SLC17A9: variants seen among roughly 807,000 people sequenced by gnomAD.
The protein encoded by SLC17A9 is voltage-gated purine nucleotide uniporter SLC17A9.
SLC17A9 carries 49 observed loss-of-function variants against 55.0 expected under a neutral mutation model. That is an observed-to-expected ratio of 0.89 (90% CI 0.71 to 1.13). The LOEUF is 1.13. Ranked by LOEUF, SLC17A9 falls within the 50% of genes most tolerant of loss-of-function variation. The pLI, the probability that SLC17A9 is intolerant of heterozygous loss-of-function variation, is 0.00. For synonymous variants in SLC17A9, 256 were observed against 247.4 expected (o/e 1.03, Z -0.32); for missense variants, 526 against 569.3 (o/e 0.92, Z 0.77).
chr20:62,960,603 G>C lies in SLC17A9; in HGVS notation c.497G>C (p.Gly166Ala). The C allele has an allele frequency of 1.2e-6, 2 of 1,610,444 alleles. No individual in the cohort carries two copies. The highest frequency in any genetic ancestry group is 1.1e-5 in the South Asian group (1 of 90,286). The change falls in exon 4 of 13, where the codon GGG becomes GCG. Residue 166 changes from glycine to alanine, a missense_variant and splice_region_variant. Physicochemically the swap from Gly to Ala is moderately conservative, Grantham distance 60. Coordinates refer to ENST00000370351, the MANE Select transcript of SLC17A9 (RefSeq NM_022082.4). ...ATCGTGGGCGCCGGCTCCCAGTTTG[G>C]GTAAGTCCTGGCCTAAGACGGGGCC... ...YSIVGAGSQF[G>A]TLLTGAVGSL...
intron 7 of SLC17A9, chr20:62,963,976 A>G: frequency 1.7e-6 from 1 of 598,740 alleles, no homozygotes; most frequent in Non-Finnish European, 3.0e-6. Flanking sequence ...TCAGAGCCTG[A>G]GGAGGCCGGT....
rs1360899756 is a variant in SLC17A9 at position 62,962,584 on chromosome 20, G to A, written c.498-40G>A. 3 of 1,608,276 alleles carry A rather than the reference G, an allele frequency of 1.9e-6. No individual in the cohort carries two copies. Among genetic ancestry groups the A allele is most frequent in the Non-Finnish European group, 2.5e-6 (3 of 1,176,910 alleles). The stretch of plus-strand genomic sequence containing the variant: ...AGAGGCCCCTCCTCACCCGAGGGGT[G>A]CCGCTGAGGGGCCTGGCCACACTCC... On this transcript the variant is annotated intron_variant, in intron 4 of 12. Transcript: ENST00000370351. This position sits in a 1 kb window ranked among gnomAD's most constrained non-coding sequence, Gnocchi z 5.5.
rs372800173 is a variant in SLC17A9 at position 62,967,437 on chromosome 20, C to T, written c.1248C>T (p.Cys416=). The T allele has an allele frequency of 6.2e-6, 10 of 1,614,098 alleles. No homozygotes were observed. In the African/African-American group the frequency reaches 6.7e-5, roughly 11 times the overall value. The change falls in exon 13 of 13, where the codon TGC becomes TGT. Residue 416 remains cysteine, a synonymous_variant. Coordinates refer to ENST00000370351, the MANE Select transcript of SLC17A9 (RefSeq NM_022082.4). Reference sequence around the variant, plus strand: ...CCATCATCAGCAACCTGGGGCTGTGCACCTTCCTGGTGTTTGGACAGGCTC... The same window carrying T: ...CCATCATCAGCAACCTGGGGCTGTGTACCTTCCTGGTGTTTGGACAGGCTC... The part of the protein sequence containing the change: ...LVAIISNLGL[C]TFLVFGQAQR...
At chr20:62,954,343 C>T (rs930404610) in intron 1 of SLC17A9, among the ~76,000 whole-genome samples, 5 of 152,240 alleles carry the variant, frequency 3.3e-5, no homozygotes, top group African/African-American at 1.2e-4. Context: ...GAGGGCGGCA[C>T]CCACACTCTC....
rs561522111 is a variant in SLC17A9, at chr20:62,958,122, C to A, written c.397+542C>A. ...ATCCATGTGTATGTGCGTATGCGTG[C>A]CCATATGCGTGTGTACGTGCGTGAG... On this transcript the variant is annotated intron_variant, in intron 3 of 12. Coordinates refer to ENST00000370351, the MANE Select transcript of SLC17A9 (RefSeq NM_022082.4). This position sits in a 1 kb window ranked among gnomAD's most constrained non-coding sequence, Gnocchi z 4.1. 2.0e-5 allele frequency among the ~76,000 whole-genome samples: 3 copies of A among 152,226 alleles called. No individual in the cohort carries two copies. The highest frequency in any genetic ancestry group is 7.2e-5 in the African/African-American group (3 of 41,548).
chr20:62,963,428 G>A (rs1159603540), intron 6 of SLC17A9, 59 bp downstream of exon 6: 3 of 1,574,560 alleles, frequency 1.9e-6, no homozygotes, highest in East Asian at 2.3e-5. Flanking sequence ...CCATGGGGGT[G>A]TGAACCTGGC....
rs991641351 is a variant in SLC17A9, at chr20:62,958,130, C to T, written c.397+550C>T. ...GTATGTGCGTATGCGTGCCCATATG[C>T]GTGTGTACGTGCGTGAGTGTGCCCG... On this transcript the variant is annotated intron_variant, in intron 3 of 12. Transcript: ENST00000370351. This position sits in a 1 kb window ranked among gnomAD's most constrained non-coding sequence, Gnocchi z 4.1. Among the ~76,000 whole-genome samples the T allele has an allele frequency of 1.3e-5, 2 of 152,100 alleles. No homozygotes were observed. The highest frequency in any genetic ancestry group is 2.9e-5 in the Non-Finnish European group (2 of 68,006).
At chr20:62,961,395 G>T (rs190247854) in intron 4 of SLC17A9, among the ~76,000 whole-genome samples, 6 of 152,044 alleles carry the variant, frequency 3.9e-5, no homozygotes, top group South Asian at 4.1e-4. Context: ...CCTCATCCAC[G>T]ATGCGGCAAC....
At chr20:62,957,293 G>C (rs1265627322) in intron 2 of SLC17A9, 148 bp from the exon 3 acceptor site, 4 of 1,472,668 alleles carry the variant, frequency 2.7e-6, no homozygotes, top group South Asian at 1.4e-5. Context: ...GTCTCCTCAC[G>C]AGGCAGCTCT....
chr20:62,954,969 T>C (rs1244910589), intron 1 of SLC17A9, among the ~76,000 whole-genome samples: 1 of 151,822 alleles, frequency 6.6e-6, no homozygotes, highest in Non-Finnish European at 1.5e-5. Flanking sequence ...CCTCCCCCCC[T>C]TTCTTTTTCA....
Position 62,960,595 on chromosome 20 carries a change from C to T in SLC17A9, c.489C>T (p.Ser163=), listed in dbSNP as rs1445630741. ...CCTACAGCATCGTGGGCGCCGGCTCCCAGTTTGGGTAAGTCCTGGCCTAAG... is the reference window on the plus strand; with the variant it reads ...CCTACAGCATCGTGGGCGCCGGCTCTCAGTTTGGGTAAGTCCTGGCCTAAG... ...AFTYSIVGAG[S]QFGTLLTGAV... is the part of the protein sequence containing the mutation. The change falls in exon 4 of 13, where the codon TCC becomes TCT. Residue 163 remains serine, a synonymous_variant. Transcript: ENST00000370351. The T allele has an allele frequency of 4.3e-6, 7 of 1,611,752 alleles. No individual in the cohort carries two copies. The highest frequency in any genetic ancestry group is 5.9e-6 in the Non-Finnish European group (7 of 1,179,614).
Position 62,964,331 on chromosome 20 carries a change from G to T in SLC17A9, c.910+16G>T. 6.2e-7 allele frequency: 1 copy of T among 1,613,384 alleles called. No individual in the cohort carries two copies. Among genetic ancestry groups the T allele is most frequent in the Non-Finnish European group, 8.5e-7 (1 of 1,179,280 alleles). ...ATCAATCAGGGTGAGCCCCAGGGAG[G>T]GGACCGGGGCTGGAAGCCACACCCT... On this transcript the variant is annotated intron_variant, in intron 8 of 12. Transcript: ENST00000370351.
intron 1 of SLC17A9, chr20:62,953,181 T>G (rs1315544197): frequency 1.3e-6 from 2 of 1,549,934 alleles, no homozygotes; most frequent in South Asian, 2.4e-5. Context: ...GGCATTGTCC[T>G]GGACAGTCAG....
At chr20:62,954,264 G>A (rs140951877) in intron 1 of SLC17A9, among the ~76,000 whole-genome samples, 1,763 of 152,332 alleles carry the variant, frequency 0.012, 31 homozygotes, top group Admixed American at 0.047. Flanking sequence ...GCTGCCACAC[G>A]CACGCCTTTT....
At position 62,962,480 on chromosome 20, in the gene SLC17A9, G is replaced by C; in HGVS notation, c.498-144G>C. ...CTTAACAAAACAGGCCAGGACGGTGGCTTCTGAGCTGCTCCTCTGGAGGCG... is the reference window on the plus strand; with the variant it reads ...CTTAACAAAACAGGCCAGGACGGTGCCTTCTGAGCTGCTCCTCTGGAGGCG... On this transcript the variant is annotated intron_variant, in intron 4 of 12. Transcript: ENST00000370351. The surrounding 1 kb of genome is among the most constrained non-coding windows in gnomAD (Gnocchi z 5.5). 9.6e-7 allele frequency: 1 copy of C among 1,043,646 alleles called. No individual in the cohort carries two copies. The highest frequency in any genetic ancestry group is 1.3e-6 in the Non-Finnish European group (1 of 741,084). 64.6% of individuals were successfully genotyped at this position (1,043,646 alleles called of 1,614,324 possible).
chr20:62,953,299 G>A (rs752867818), intron 1 of SLC17A9: 2 of 1,545,050 alleles, frequency 1.3e-6, no homozygotes, highest in Non-Finnish European at 1.8e-6. Context: ...GGAGCCTGCA[G>A]CTGGACGGGG....
rs376411117 is a variant in SLC17A9 at position 62,967,834 on chromosome 20, G to A, written c.*334G>A. 2 of 201,078 alleles carry A rather than the reference G, an allele frequency of 9.9e-6. No homozygotes were observed. Among genetic ancestry groups the A allele is most frequent in the South Asian group, 2.7e-4 (2 of 7,536 alleles). 12.5% of individuals were successfully genotyped at this position (201,078 alleles called of 1,614,324 possible). The stretch of plus-strand genomic sequence containing the variant: ...CCTCATTCCCACCACGATCTGTTCC[G>A]CGTGGTTCCCGCCAAACCTCCCTCG... On this transcript the variant is annotated 3_prime_UTR_variant, in exon 13 of 13. Transcript: ENST00000370351.
rs375609089 is a variant in SLC17A9, at chr20:62,960,543, A to G, written c.437A>G (p.Lys146Arg). 9.3e-6 allele frequency: 15 copies of G among 1,613,514 alleles called. No individual in the cohort carries two copies. Among genetic ancestry groups the G allele is most frequent in the Non-Finnish European group, 1.2e-5 (14 of 1,179,988 alleles). ...GCCCTGACCAGCCTGCTGTCGCAGA[A>G]GGTGCGGGAGAGTGAGCGAGCCTTC... ...FPALTSLLSQ[K>R]VRESERAFTY... Residue 146 changes from lysine to arginine, a missense_variant, in exon 4 of 13, where the codon AAG becomes AGG. Lys to Arg is a conservative substitution (Grantham distance 26, BLOSUM62 2). Coordinates refer to ENST00000370351, the MANE Select transcript of SLC17A9 (RefSeq NM_022082.4).
chr20:62,963,613 C>T lies in SLC17A9; in HGVS notation c.755C>T (p.Ala252Val), dbSNP rs893208492. 2.4e-5 allele frequency: 39 copies of T among 1,602,114 alleles called. No individual in the cohort carries two copies. The highest frequency in any genetic ancestry group is 7.9e-5 in the South Asian group (7 of 88,500). ...WAAVVSQLSA[A>V]CSFFILLSWL... ...GCCGTCGTCTCCCAGCTCTCTGCAG[C>T]CTGCTCCTTCTTCATCCTCCTCTCC... Residue 252 changes from alanine (A) to valine (V), a missense_variant, in exon 7 of 13, where the codon GCC becomes GTC. By Grantham distance (64) the Ala-to-Val change is moderately conservative (BLOSUM62 0). Transcript: ENST00000370351.
Sources: gnomAD v4.1 joint callset for allele counts (sites outside exome capture counted in the v4.1 genomes callset) on GRCh38, gnomAD v4.1.1 for gene constraint, Gnocchi (gnomAD v3.1) non-coding constraint, MANE v1.5 for transcripts, NCBI Gene and HGNC (gene_info 2026-07-23, HGNC 2026-07-21) for gene names.